The following ARHGEF38 variants were observed in gnomAD, a reference collection of about 807,000 sequenced individuals.
ARHGEF38 encodes Rho guanine nucleotide exchange factor 38.
In ARHGEF38, 79 loss-of-function variants were observed where a neutral mutation model predicts 79.9. The ratio of observed to expected loss-of-function variants is 0.99; its 90% CI spans 0.82 to 1.19. The LOEUF (loss-of-function observed/expected upper bound fraction) is 1.19, where lower values mean the gene tolerates loss of function less well. ARHGEF38 is among the 50% of genes most tolerant of loss of function. The pLI is 0.00. For synonymous variants in ARHGEF38, 366 were observed against 328.3 expected, an observed-to-expected ratio of 1.11 and a Z score of -1.24; for missense variants, 962 against 907.2, an observed-to-expected ratio of 1.06 and a Z score of -0.78.
At chr4:105,560,293 G>A (rs1022511789) in intron 1 of ARHGEF38, among the ~76,000 whole-genome samples, 4 of 152,136 alleles carry the variant, frequency 2.6e-5, no homozygotes, top group Non-Finnish European at 5.9e-5. Flanking sequence ...CTGTCTTATA[G>A]TAATAGCTTA....
chr4:105,657,073 A>G (rs1275781287), intron 9 of ARHGEF38, among the ~76,000 whole-genome samples: 4 of 152,128 alleles, frequency 2.6e-5, no homozygotes, highest in South Asian at 4.1e-4. Flanking sequence ...AGATAGATAG[A>G]TAGTTTTTAC....
At chr4:105,676,414 A>C (rs549373627) in intron 13 of ARHGEF38, among the ~76,000 whole-genome samples, 1 of 151,786 alleles carries the variant, frequency 6.6e-6, no homozygotes, top group South Asian at 2.1e-4. Context: ...TGTTTTGTTC[A>C]CTGGCATTTT....
intron 1 of ARHGEF38, among the ~76,000 whole-genome samples, chr4:105,565,708 CTT>C (rs1361847781): frequency 6.6e-6 from 1 of 152,076 alleles, no homozygotes; most frequent in Non-Finnish European, 1.5e-5. Flanking sequence ...AATTAGCTTC[CTT>C]TTTTTATATA....
chr4:105,609,691 C>T (rs754275757), intron 2 of ARHGEF38, among the ~76,000 whole-genome samples: 4 of 152,018 alleles, frequency 2.6e-5, no homozygotes, highest in Non-Finnish European at 5.9e-5. Context: ...CATCACATTA[C>T]CTGATTTTAA....
chr4:105,631,280 G>A (rs1729182661), intron 4 of ARHGEF38: 12 of 1,157,574 alleles, frequency 1.0e-5, no homozygotes, highest in East Asian at 4.3e-5. Flanking sequence ...GCTCTGCAGC[G>A]ATTGAAAAAT....
Position 105,667,518 on chromosome 4 carries a change from A to T in ARHGEF38, c.1963A>T (p.Asn655Tyr). 1 of 1,536,544 alleles carries T rather than the reference A, an allele frequency of 6.5e-7. No individual in the cohort carries two copies. Among genetic ancestry groups the T allele is most frequent in the Non-Finnish European group, 8.7e-7 (1 of 1,147,014 alleles). ...AAAAATGCAGAAAGTGGATGCTGAGAACAGGTTCTGTGACGATGATTTTGA... is the reference window on the plus strand; with the variant it reads ...AAAAATGCAGAAAGTGGATGCTGAGTACAGGTTCTGTGACGATGATTTTGA... ...PAKMQKVDAE[N>Y]RFCDDDFENI... Residue 655 changes from asparagine to tyrosine, a missense_variant, in exon 13 of 14, where the codon AAC becomes TAC. Asn to Tyr is a moderately radical substitution (Grantham distance 143). Coordinates refer to ENST00000420470, the MANE Select transcript of ARHGEF38 (RefSeq NM_001242729.2).
chr4:105,594,820 C>T (rs999482088), intron 2 of ARHGEF38, among the ~76,000 whole-genome samples: 1 of 152,202 alleles, frequency 6.6e-6, no homozygotes. Context: ...AGTTACACAT[C>T]TTCTTTAATA....
intron 13 of ARHGEF38, among the ~76,000 whole-genome samples, chr4:105,670,707 C>T (rs1578367074): frequency 6.6e-6 from 1 of 152,276 alleles, no homozygotes; most frequent in South Asian, 2.1e-4. Context: ...TTCTAAAAAA[C>T]ATATTATAAT....
Position 105,680,439 on chromosome 4 carries a change from A to G in ARHGEF38, c.*2502A>G, listed in dbSNP as rs1731270509. ...CAAGACAAACAAGATCCCTCCATTC[A>G]TACCACTTAAATTCTAGTGGGGAAA... On this transcript the variant is annotated 3_prime_UTR_variant, in exon 14 of 14. Coordinates refer to ENST00000420470, the MANE Select transcript of ARHGEF38 (RefSeq NM_001242729.2). The G allele has an allele frequency of 6.2e-6, 1 of 162,398 alleles. No homozygotes were observed. The highest frequency in any genetic ancestry group is 1.3e-5 in the Non-Finnish European group (1 of 74,456). 10.1% of individuals were successfully genotyped at this position (162,398 alleles called of 1,614,324 possible).
At chr4:105,648,455 T>G (rs1319303441) in intron 6 of ARHGEF38, 94 bp from the exon 7 acceptor site, 1 of 1,162,064 alleles carries the variant, frequency 8.6e-7, no homozygotes, top group Non-Finnish European at 1.2e-6. Context: ...CATATTTATC[T>G]TGAATATAAA....
intron 5 of ARHGEF38, among the ~76,000 whole-genome samples, chr4:105,639,593 A>G (rs1392372962): frequency 6.6e-6 from 1 of 151,928 alleles, no homozygotes; most frequent in Non-Finnish European, 1.5e-5. Context: ...TGTTTTATTT[A>G]TGGCTAGTTA....
At position 105,606,267 on chromosome 4, in the gene ARHGEF38, A is replaced by G. The variant is rs76738810; in HGVS notation, c.385-7117A>G. Reference sequence around the variant, plus strand: ...AACACTGAAGACTTTTCTAGAAACAATTTCCAGAGGATGATTTGGTTGGTG... The same window carrying G: ...AACACTGAAGACTTTTCTAGAAACAGTTTCCAGAGGATGATTTGGTTGGTG... On this transcript the variant is annotated intron_variant, in intron 2 of 13. Coordinates refer to ENST00000420470, the MANE Select transcript of ARHGEF38 (RefSeq NM_001242729.2). Among the ~76,000 whole-genome samples, 1,136 of 152,188 alleles carry G rather than the reference A, an allele frequency of 7.5e-3. 18 individuals carry two copies. Among genetic ancestry groups the G allele is most frequent in the African/African-American group, 0.026 (1,096 of 41,538 alleles).
At chr4:105,572,315 G>A (rs1218982698) in intron 1 of ARHGEF38, among the ~76,000 whole-genome samples, 2 of 151,982 alleles carry the variant, frequency 1.3e-5, no homozygotes, top group Non-Finnish European at 2.9e-5. Flanking sequence ...GCCTTGCTAT[G>A]TCTATTCTAT....
At chr4:105,576,051 C>A (rs919218617) in intron 1 of ARHGEF38, among the ~76,000 whole-genome samples, 5 of 152,086 alleles carry the variant, frequency 3.3e-5, no homozygotes, top group Admixed American at 3.3e-4. Flanking sequence ...TAACTACAGC[C>A]TTGTAGTATA....
intron 9 of ARHGEF38, among the ~76,000 whole-genome samples, chr4:105,656,860 C>T (rs1174770645): frequency 5.9e-5 from 9 of 151,990 alleles, no homozygotes; most frequent in East Asian, 3.9e-4. Context: ...ATACAGCCCC[C>T]GATCTAGTAG....
chr4:105,641,916 G>A (rs1203685769), intron 5 of ARHGEF38, among the ~76,000 whole-genome samples: 1 of 151,986 alleles, frequency 6.6e-6, no homozygotes. Flanking sequence ...AGCTACTTTT[G>A]GCACTAAATA....
At chr4:105,588,479 A>G (rs897419823) in intron 1 of ARHGEF38, among the ~76,000 whole-genome samples, 1 of 152,238 alleles carries the variant, frequency 6.6e-6, no homozygotes, top group African/African-American at 2.4e-5. Context: ...CCAAAATTTT[A>G]CATTGCTCTG....
At chr4:105,607,506 C>T (rs1259919674) in intron 2 of ARHGEF38, among the ~76,000 whole-genome samples, 1 of 151,234 alleles carries the variant, frequency 6.6e-6, no homozygotes, top group Non-Finnish European at 1.5e-5. Flanking sequence ...CAGTAGAGTA[C>T]TCATAAAGGC....
At chr4:105,636,220 A>G (rs1729392934) in intron 4 of ARHGEF38, among the ~76,000 whole-genome samples, 183 bp from the exon 5 acceptor site, 1 of 152,052 alleles carries the variant, frequency 6.6e-6, no homozygotes, top group Non-Finnish European at 1.5e-5. Context: ...TTTAGATAAA[A>G]ACTTTCATCT....
Sources: allele counts gnomAD v4.1 joint callset (sites outside exome capture counted in the v4.1 genomes callset), GRCh38; gene constraint gnomAD v4.1.1; transcripts MANE v1.5; gene names NCBI Gene and HGNC (gene_info 2026-07-23, HGNC 2026-07-21).